GRM1: variants seen among roughly 807,000 people sequenced by gnomAD.
The protein encoded by GRM1 is glutamate metabotropic receptor 1, also known as metabotropic glutamate receptor 1.
In GRM1, 33 loss-of-function variants were observed where a neutral mutation model predicts 90.9. The observed-to-expected ratio is 0.36, with a 90% CI of 0.28 to 0.49. The LOEUF (loss-of-function observed/expected upper bound fraction) is 0.49. GRM1 is among the 20% of genes least tolerant of loss of function. The pLI is 0.99. For synonymous variants in GRM1, 700 were observed against 613.2 expected, an observed-to-expected ratio of 1.14 and a Z score of -2.09; for missense variants, 1,190 against 1,534.3, an observed-to-expected ratio of 0.78 and a Z score of 3.75.
chr6:146,105,540 C>A, intron 1 of GRM1, among the ~76,000 whole-genome samples: 1 of 146,212 alleles, frequency 6.8e-6, no homozygotes, highest in Admixed American at 6.9e-5. Flanking sequence ...TAAATGATTC[C>A]TAGAAACTTG....
chr6:146,385,767 G>A (rs915497323), intron 5 of GRM1, among the ~76,000 whole-genome samples: 3 of 151,940 alleles, frequency 2.0e-5, no homozygotes, highest in African/African-American at 7.2e-5. Context: ...ATATGTGGAA[G>A]TAAAATGTAT....
chr6:146,316,879 G>A (rs533295367), intron 3 of GRM1, among the ~76,000 whole-genome samples: 2 of 152,244 alleles, frequency 1.3e-5, no homozygotes, highest in African/African-American at 4.8e-5. Context: ...GATATTTGAT[G>A]CTCACAGTCT....
intron 3 of GRM1, among the ~76,000 whole-genome samples, chr6:146,325,109 C>T (rs938617202): frequency 2.6e-5 from 4 of 152,142 alleles, no homozygotes; most frequent in Non-Finnish European, 4.4e-5. Flanking sequence ...TCTTTATTTT[C>T]TAATCAAAGT....
intron 2 of GRM1, among the ~76,000 whole-genome samples, chr6:146,299,321 G>A (rs1036373654): frequency 6.6e-6 from 1 of 151,722 alleles, no homozygotes; most frequent in African/African-American, 2.4e-5. Context: ...TACATGCCTG[G>A]TAATTTTTTA....
intron 1 of GRM1, among the ~76,000 whole-genome samples, chr6:146,146,376 C>T (rs914142573): frequency 2.6e-5 from 4 of 151,792 alleles, no homozygotes; most frequent in Non-Finnish European, 5.9e-5. Context: ...CGTGAGCCAC[C>T]GTGCCCGGCC....
rs191777291 is a variant in GRM1 at position 146,232,166 on chromosome 6, G to T, written c.951-72445G>T. Among the ~76,000 whole-genome samples the T allele has an allele frequency of 2.9e-3, 437 of 152,060 alleles. 1 individual carries two copies. The highest frequency in any genetic ancestry group is 4.5e-3 in the Admixed American group (69 of 15,252). On this transcript the variant is annotated intron_variant, in intron 2 of 7. Coordinates refer to ENST00000282753, the MANE Select transcript of GRM1 (RefSeq NM_001278064.2). ...GTGTCTTTATTAGTTTGTTAGGGCT[G>T]GCATAACAAAGTACCACACACTCGT...
At chr6:146,267,845 C>A (rs534869955) in intron 2 of GRM1, among the ~76,000 whole-genome samples, 1 of 152,210 alleles carries the variant, frequency 6.6e-6, no homozygotes, top group South Asian at 2.1e-4. Context: ...CCTTCCCCAG[C>A]CCACTGACTC....
At chr6:146,164,179 T>C (rs1490901433) in intron 2 of GRM1, among the ~76,000 whole-genome samples, 2 of 152,170 alleles carry the variant, frequency 1.3e-5, no homozygotes, top group Non-Finnish European at 2.9e-5. Flanking sequence ...GGTACTAGGC[T>C]ATTAATATAT....
chr6:146,244,873 T>A lies in GRM1; in HGVS notation c.951-59738T>A, dbSNP rs75647207. ...TGAATTCACTAATCGTTCTGTACTGTGGCCATCAGCAAACCTTTGGGTAGT... is the reference window on the plus strand; with the variant it reads ...TGAATTCACTAATCGTTCTGTACTGAGGCCATCAGCAAACCTTTGGGTAGT... On this transcript the variant is annotated intron_variant, in intron 2 of 7. Coordinates refer to ENST00000282753, the MANE Select transcript of GRM1 (RefSeq NM_001278064.2). Among the ~76,000 whole-genome samples the A allele has an allele frequency of 8.9e-3, 1,356 of 152,328 alleles. 20 individuals carry two copies. The highest frequency in any genetic ancestry group is 0.03 in the African/African-American group (1,250 of 41,580).
intron 2 of GRM1, among the ~76,000 whole-genome samples, chr6:146,207,958 GCTTCTGAGATTTTTCC>G (rs1562529522): frequency 2.0e-5 from 3 of 152,052 alleles, no homozygotes; most frequent in Non-Finnish European, 4.4e-5. Flanking sequence ...TATCTAATCA[GCTTCTGAGATTTTTCC>G]CTCCTTTCCC....
intron 1 of GRM1, among the ~76,000 whole-genome samples, chr6:146,090,775 G>A (rs1320072317): frequency 6.6e-6 from 1 of 152,046 alleles, no homozygotes; most frequent in Non-Finnish European, 1.5e-5. Context: ...AGGTTACCGA[G>A]GCATTGAGAG....
chr6:146,153,695 A>C (rs1179819108), intron 1 of GRM1, among the ~76,000 whole-genome samples: 2 of 152,142 alleles, frequency 1.3e-5, no homozygotes, highest in Non-Finnish European at 2.9e-5. Context: ...CTGGGCTTAC[A>C]AGGTGATGGG....
chr6:146,262,267 A>G (rs1373919839), intron 2 of GRM1, among the ~76,000 whole-genome samples: 1 of 152,102 alleles, frequency 6.6e-6, no homozygotes, highest in Non-Finnish European at 1.5e-5. Context: ...TTAAAATCTT[A>G]TGTAGAAAAA....
chr6:146,136,466 G>T (rs903370724), intron 1 of GRM1, among the ~76,000 whole-genome samples: 3 of 152,150 alleles, frequency 2.0e-5, no homozygotes, highest in African/African-American at 7.2e-5. Flanking sequence ...TTTGGAAAAA[G>T]CCATTTTAAC....
At chr6:146,432,604 T>C (rs1778455775) in intron 7 of GRM1, among the ~76,000 whole-genome samples, 1 of 152,220 alleles carries the variant, frequency 6.6e-6, no homozygotes, top group African/African-American at 2.4e-5. Context: ...CCTTTTAATG[T>C]CATAAATGTG....
At chr6:146,160,613 ATCT>A (rs1273697407) in intron 2 of GRM1, among the ~76,000 whole-genome samples, 3 of 152,058 alleles carry the variant, frequency 2.0e-5, no homozygotes, top group African/African-American at 7.2e-5. Flanking sequence ...TCAACCACTG[ATCT>A]TCTGCTCTGG....
At chr6:146,231,086 T>C (rs1257956686) in intron 2 of GRM1, among the ~76,000 whole-genome samples, 3 of 152,106 alleles carry the variant, frequency 2.0e-5, no homozygotes, top group Admixed American at 6.6e-5. Flanking sequence ...GTTGGATACA[T>C]GTCATTAAAC....
At chr6:146,373,475 C>T (rs1305974378) in intron 5 of GRM1, among the ~76,000 whole-genome samples, 46 of 152,014 alleles carry the variant, frequency 3.0e-4, no homozygotes, top group Non-Finnish European at 5.9e-5. Flanking sequence ...TGAGACAGCA[C>T]TAGGAGGGAT....
intron 1 of GRM1, among the ~76,000 whole-genome samples, chr6:146,150,956 A>ACACG (rs1308369630): frequency 6.6e-6 from 1 of 151,902 alleles, no homozygotes; most frequent in Non-Finnish European, 1.5e-5. Flanking sequence ...ACACACACAC[A>ACACG]CACACACACA....
Sources: allele counts gnomAD v4.1 joint callset (sites outside exome capture counted in the v4.1 genomes callset), GRCh38; gene constraint gnomAD v4.1.1; transcripts MANE v1.5; gene names NCBI Gene and HGNC (gene_info 2026-07-23, HGNC 2026-07-21).